Variants in GON4L observed in about 807,000 individuals in gnomAD.
The protein encoded by GON4L is gon-4 like.
GON4L carries 87 observed loss-of-function variants against 211.8 expected under a neutral mutation model. That is an observed-to-expected ratio of 0.41 (90% CI 0.35 to 0.49). The LOEUF (loss-of-function observed/expected upper bound fraction) is 0.49, where lower values mean the gene tolerates loss of function less well. Among genes scored for constraint, GON4L ranks in the 20% least tolerant of loss-of-function variants. GON4L has a pLI of 0.15. For missense variants in GON4L, 2,155 were observed against 2,659.5 expected (o/e 0.81, Z 4.17); for synonymous variants, 875 against 962.6 (o/e 0.91, Z 1.68).
intron 11 of GON4L, among the ~76,000 whole-genome samples, chr1:155,798,880 G>A (rs890189511): frequency 6.6e-6 from 1 of 152,092 alleles, no homozygotes; most frequent in African/African-American, 2.4e-5. Context: ...ATTATTCTCA[G>A]AGCACTCATT....
chr1:155,768,541 G>A (rs894821124), intron 19 of GON4L, among the ~76,000 whole-genome samples: 4 of 150,220 alleles, frequency 2.7e-5, no homozygotes, highest in Non-Finnish European at 5.9e-5. Flanking sequence ...AACCTGGGAG[G>A]CGGAGCTTGC....
chr1:155,814,982 G>A lies in GON4L; in HGVS notation c.1162-533C>T, dbSNP rs142811945. Among the ~76,000 whole-genome samples the A allele has an allele frequency of 4.0e-3, 611 of 151,658 alleles. 5 individuals carry two copies. The highest frequency in any genetic ancestry group is 6.8e-3 in the Middle Eastern group (2 of 292). ...ACAAAAATTAGCCAGGCATGGTAGC[G>A]CACGCCTGTTAATTCCAGCTACTCA... On this transcript the variant is annotated intron_variant, in intron 8 of 31. Transcript: ENST00000368331.
chr1:155,799,624 AGGTAAGGGGTGAAGCCCTGAAATC>A (rs1666435950), intron 11 of GON4L, among the ~76,000 whole-genome samples: 2 of 152,190 alleles, frequency 1.3e-5, no homozygotes, highest in South Asian at 4.1e-4. Flanking sequence ...CTGATTCAGT[AGGTAAGGGGTGAAGCCCTGAAATC>A]TGTATCTTTA....
Position 155,752,536 on chromosome 1 carries a change from T to G in GON4L, c.5897A>C (p.Glu1966Ala). ...LPSPREVTVT[E>A]RLLLDGPPPH... ...TGGTGGGCCATCCAGGAGGAGCCGTTCTGTAACAGTCACTTCTCGAGGGGA... is the reference window on the plus strand; with the variant it reads ...TGGTGGGCCATCCAGGAGGAGCCGTGCTGTAACAGTCACTTCTCGAGGGGA... The change falls in exon 30 of 32, where the codon GAA becomes GCA. Residue 1966 changes from glutamate to alanine, a missense_variant. Glu to Ala is a moderately radical substitution (Grantham distance 107, BLOSUM62 -1). Transcript: ENST00000368331. 6.2e-7 allele frequency: 1 copy of G among 1,603,678 alleles called. No homozygotes were observed. Among genetic ancestry groups the G allele is most frequent in the Non-Finnish European group, 8.5e-7 (1 of 1,175,008 alleles).
At chr1:155,747,873 C>T (rs775705375), downstream of GON4L, 1 of 1,582,950 alleles carries the variant, frequency 6.3e-7, no homozygotes, top group Admixed American at 1.7e-5. Flanking sequence ...TTGGGGCCTG[C>T]TACCTGGTCC....
At chr1:155,852,186 A>T (rs919658628) in intron 2 of GON4L, among the ~76,000 whole-genome samples, 10 of 134,734 alleles carry the variant, frequency 7.4e-5, no homozygotes, top group African/African-American at 1.3e-4. Context: ...AAAAAAAAAG[A>T]AGTCATCTCC....
rs755943779 is a variant in GON4L at position 155,753,213 on chromosome 1, G to T, written c.5833C>A (p.Pro1945Thr). 1.9e-6 allele frequency: 3 copies of T among 1,611,830 alleles called. No individual in the cohort carries two copies. In the Admixed American group the frequency reaches 5.0e-5, roughly 27 times the overall value. The change falls in exon 29 of 32, where the codon CCT (proline) becomes ACT (threonine). Residue 1945 changes from proline to threonine, a missense_variant. By Grantham distance (38) the Pro-to-Thr change is conservative. This residue lies in a region of GON4L where 455 missense variants were observed against 504.6 expected (regional missense o/e 0.90). Coordinates refer to ENST00000368331, the MANE Select transcript of GON4L (RefSeq NM_001282860.2). ...TVRTTRKGEM[P>T]VSAGLAVGST... ...TTGGCAAATCACTCACCTGAAACAG[G>T]CATCTCTCCCTTTCTGGTGGTCCTG...
intron 2 of GON4L, among the ~76,000 whole-genome samples, chr1:155,837,341 T>C (rs966393057): frequency 1.3e-5 from 2 of 152,036 alleles, no homozygotes; most frequent in African/African-American, 4.8e-5. Flanking sequence ...GATGGGTGAG[T>C]TCTCCACTGT....
Position 155,750,510 on chromosome 1 carries a change from C to G in GON4L, c.*74G>C. 1.5e-6 allele frequency: 2 copies of G among 1,326,930 alleles called. No homozygotes were observed. The highest frequency in any genetic ancestry group is 2.2e-6 in the Non-Finnish European group (2 of 922,974). The allele number at this position is 1,326,930 out of a possible 1,614,324, so 82.2% of individuals were successfully genotyped here. A position where few individuals can be genotyped will look rare whatever the true frequency, so the allele number is the denominator to read the frequency against. ...AAACTGGGCTCAAGGACTGTACAAG[C>G]AGAGTACAACTACCCCCTCCCCGGT... On this transcript the variant is annotated 3_prime_UTR_variant, in exon 32 of 32. Coordinates refer to ENST00000368331, the MANE Select transcript of GON4L (RefSeq NM_001282860.2).
chr1:155,813,077 T>C lies in GON4L; in HGVS notation c.1452+557A>G, dbSNP rs374723320. On this transcript the variant is annotated intron_variant, in intron 10 of 31. Transcript: ENST00000368331. The stretch of plus-strand genomic sequence containing the variant: ...TAATTTGGGGGAATTTGGGTGAAGC[T>C]TTTTCCTATGTTCTACATTTTAAAA... Among the ~76,000 whole-genome samples, 7 of 152,238 alleles carry C rather than the reference T, an allele frequency of 4.6e-5. No homozygotes were observed. The East Asian group carries it at 1.4e-3, about 29-fold the overall frequency.
Position 155,760,488 on chromosome 1 carries a change from A to C in GON4L, c.5065T>G (p.Phe1689Val). ...TGCTCAGGTAACAGGAAAGCAGCAA[A>C]GTCTTTCAACAGCTGAGGCCAGTCT... ...LQDWPQLLKD[F>V]AAFLLPEQAL... Residue 1689 changes from phenylalanine (F) to valine (V), a missense_variant, in exon 24 of 32, where the codon TTT becomes GTT. Phe to Val is a conservative substitution (Grantham distance 50). This residue lies in a region of GON4L where 455 missense variants were observed against 504.6 expected (regional missense o/e 0.90). Transcript: ENST00000368331. 1 of 1,613,004 alleles carries C rather than the reference A, an allele frequency of 6.2e-7. No homozygotes were observed. Among genetic ancestry groups the C allele is most frequent in the Non-Finnish European group, 8.5e-7 (1 of 1,179,082 alleles).
At chr1:155,804,314 TAC>T (rs983349431) in intron 11 of GON4L, among the ~76,000 whole-genome samples, 1 of 152,114 alleles carries the variant, frequency 6.6e-6, no homozygotes, top group African/African-American at 2.4e-5. Flanking sequence ...AGTTTAAGGC[TAC>T]AGTGAGCTAT....
At chr1:155,828,175 C>CACAT (rs397717063) in intron 2 of GON4L, among the ~76,000 whole-genome samples, 8 of 151,430 alleles carry the variant, frequency 5.3e-5, no homozygotes, top group African/African-American at 1.5e-4. Context: ...CACACACACA[C>CACAT]GCAAAGAAAT....
intron 10 of GON4L, among the ~76,000 whole-genome samples, chr1:155,812,484 A>ATT (rs1667877551): frequency 6.6e-6 from 1 of 152,176 alleles, no homozygotes; most frequent in Non-Finnish European, 1.5e-5. Flanking sequence ...CCTCCAACAT[A>ATT]AAGGGCATTG....
chr1:155,804,758 G>C (rs1262010258), intron 11 of GON4L, among the ~76,000 whole-genome samples, 191 bp downstream of exon 11: 2 of 151,586 alleles, frequency 1.3e-5, no homozygotes, highest in East Asian at 3.9e-4. Context: ...CTCAGCCTGG[G>C]TGACAGAGTG....
At chr1:155,801,338 G>T (rs1007511267) in intron 11 of GON4L, among the ~76,000 whole-genome samples, 23 of 152,078 alleles carry the variant, frequency 1.5e-4, no homozygotes, top group African/African-American at 5.5e-4. Flanking sequence ...AAACTCAGAA[G>T]CTTAGACTCC....
At chr1:155,758,518 C>G (rs1661425975) in intron 24 of GON4L, among the ~76,000 whole-genome samples, 1 of 152,128 alleles carries the variant, frequency 6.6e-6, no homozygotes, top group Non-Finnish European at 1.5e-5. Flanking sequence ...ACACCTGTAG[C>G]TTGAGCTACT....
intron 3 of GON4L, among the ~76,000 whole-genome samples, chr1:155,822,921 G>A (rs1480896714): frequency 5.9e-5 from 9 of 151,844 alleles, no homozygotes; most frequent in African/African-American, 1.7e-4. Context: ...TCAGCCTCCC[G>A]AGTAGCTGGG....
At chr1:155,748,208 C>T (rs963937042), downstream of GON4L, 1 of 1,428,638 alleles carries the variant, frequency 7.0e-7, no homozygotes, top group African/African-American at 1.4e-5. Context: ...TCTGTACTGG[C>T]TCTGTTCCTG....
Sources: allele counts gnomAD v4.1 joint callset (sites outside exome capture counted in the v4.1 genomes callset), GRCh38; gene constraint gnomAD v4.1.1; regional missense constraint gnomAD v4.1.1; transcripts MANE v1.5; gene names NCBI Gene and HGNC (gene_info 2026-07-23, HGNC 2026-07-21).